Variants in DNAJC1 observed in about 807,000 individuals in gnomAD.
The protein encoded by DNAJC1 is DnaJ heat shock protein family (Hsp40) member C1.
A neutral mutation model predicts 76.6 loss-of-function variants in DNAJC1; 58 were observed. The observed-to-expected ratio is 0.76, with a 90% confidence interval of 0.61 to 0.94. DNAJC1 has a LOEUF of 0.94. DNAJC1 is among the 40% of genes least tolerant of loss of function. The probability of loss-of-function intolerance (pLI) is 0.00; values close to 1 mark genes in which losing one functional copy is unlikely to be tolerated. For missense variants in DNAJC1, 689 were observed against 677.3 expected, an observed-to-expected ratio of 1.02 and a Z score of -0.19; for synonymous variants, 258 against 267.9, an observed-to-expected ratio of 0.96 and a Z score of 0.36.
At chr10:21,810,842 T>C (rs1465836310) in intron 8 of DNAJC1, among the ~76,000 whole-genome samples, 1 of 152,162 alleles carries the variant, frequency 6.6e-6, no homozygotes, top group East Asian at 1.9e-4. Flanking sequence ...ATACCCAATA[T>C]AACTGAAATT....
intron 1 of DNAJC1, among the ~76,000 whole-genome samples, chr10:21,999,699 C>T (rs1010961011): frequency 3.9e-5 from 6 of 151,976 alleles, no homozygotes; most frequent in South Asian, 2.1e-4. Context: ...GTGATCCACC[C>T]GCCTCAGCCT....
intron 1 of DNAJC1, among the ~76,000 whole-genome samples, chr10:21,936,880 T>C (rs934115919): frequency 6.6e-6 from 1 of 152,116 alleles, no homozygotes; most frequent in African/African-American, 2.4e-5. Flanking sequence ...AAAGATGACA[T>C]ATAATATACA....
At chr10:21,906,030 C>T (rs1327110176) in intron 6 of DNAJC1, among the ~76,000 whole-genome samples, 1 of 152,116 alleles carries the variant, frequency 6.6e-6, no homozygotes, top group Non-Finnish European at 1.5e-5. Flanking sequence ...CAAATTAAAG[C>T]TTTTTCCTGG....
At chr10:21,960,836 C>T (rs961797442) in intron 1 of DNAJC1, among the ~76,000 whole-genome samples, 16 of 152,142 alleles carry the variant, frequency 1.1e-4, no homozygotes, top group African/African-American at 3.6e-4. Context: ...GCAAAGGCAC[C>T]GTGGCACATG....
Position 21,822,416 on chromosome 10 carries a change from G to A in DNAJC1, c.979-16317C>T, listed in dbSNP as rs186583105. 2.0e-5 allele frequency among the ~76,000 whole-genome samples: 3 copies of A among 151,096 alleles called. No individual in the cohort carries two copies. In the East Asian group the frequency reaches 5.9e-4, roughly 29 times the overall value. ...ATCGCGCCACTGCACTCCTGCCTGG[G>A]TGACACAGCGAGACTCCGACTCAAA... On this transcript the variant is annotated intron_variant, in intron 8 of 11. Coordinates refer to ENST00000376980, the MANE Select transcript of DNAJC1 (RefSeq NM_022365.4).
At chr10:21,895,491 AG>A (rs1452848623) in intron 7 of DNAJC1, among the ~76,000 whole-genome samples, 1 of 152,210 alleles carries the variant, frequency 6.6e-6, no homozygotes, top group Non-Finnish European at 1.5e-5. Context: ...TAAATTGTTC[AG>A]GGTGCTTCAT....
intron 9 of DNAJC1, among the ~76,000 whole-genome samples, chr10:21,794,824 GA>G (rs1834734654): frequency 6.6e-6 from 1 of 151,956 alleles, no homozygotes; most frequent in Non-Finnish European, 1.5e-5. Context: ...TATATTTGAT[GA>G]AAGACTTGAG....
intron 7 of DNAJC1, among the ~76,000 whole-genome samples, chr10:21,898,551 C>CTTT (rs1284887784): frequency 7.3e-6 from 1 of 137,340 alleles, no homozygotes; most frequent in Admixed American, 7.4e-5. Context: ...CTATACTATA[C>CTTT]TTTTTTTTTT....
At position 21,945,183 on chromosome 10, in the gene DNAJC1, G is replaced by C. The variant is rs543215161; in HGVS notation, c.223-16042C>G. Among the ~76,000 whole-genome samples, 5 of 152,334 alleles carry C rather than the reference G, an allele frequency of 3.3e-5. No homozygotes were observed. In the South Asian group the frequency reaches 1.0e-3, roughly 32 times the overall value. On this transcript the variant is annotated intron_variant, in intron 1 of 11. Coordinates refer to ENST00000376980, the MANE Select transcript of DNAJC1 (RefSeq NM_022365.4). ...GCTTTGAAGAATGTCAGCATTGTCA[G>C]TACTGCTGATGTCAGGTAAAATGAA...
chr10:21,976,323 A>G (rs1333223685), intron 1 of DNAJC1, among the ~76,000 whole-genome samples: 1 of 152,218 alleles, frequency 6.6e-6, no homozygotes, highest in Non-Finnish European at 1.5e-5. Flanking sequence ...AAATGTTGGC[A>G]TATGTAAAAG....
At chr10:21,829,409 G>A (rs961389872) in intron 8 of DNAJC1, among the ~76,000 whole-genome samples, 1 of 152,134 alleles carries the variant, frequency 6.6e-6, no homozygotes, top group African/African-American at 2.4e-5. Flanking sequence ...GTAGAGATGG[G>A]GTTTCACTGT....
chr10:21,873,386 G>A (rs1483513588), intron 8 of DNAJC1, among the ~76,000 whole-genome samples: 2 of 152,088 alleles, frequency 1.3e-5, no homozygotes, highest in African/African-American at 4.8e-5. Context: ...AGTAACTCAT[G>A]ATTTTGAGAA....
At chr10:21,950,599 G>A (rs538143861) in intron 1 of DNAJC1, among the ~76,000 whole-genome samples, 12 of 152,304 alleles carry the variant, frequency 7.9e-5, no homozygotes, top group Non-Finnish European at 1.6e-4. Context: ...TAAGTTTAGT[G>A]AGGAAGGCAT....
intron 1 of DNAJC1, among the ~76,000 whole-genome samples, chr10:21,942,577 C>T (rs532365701): frequency 9.8e-4 from 149 of 152,014 alleles, no homozygotes; most frequent in Admixed American, 5.2e-3. Flanking sequence ...GAGGCCAAGG[C>T]GGGCAGATCA....
intron 8 of DNAJC1, among the ~76,000 whole-genome samples, chr10:21,859,860 T>G (rs1334803404): frequency 6.6e-6 from 1 of 152,084 alleles, no homozygotes; most frequent in Non-Finnish European, 1.5e-5. Flanking sequence ...CTCAGCTCAC[T>G]GCAACTTCCA....
intron 7 of DNAJC1, among the ~76,000 whole-genome samples, chr10:21,886,229 A>G (rs552058921): frequency 6.6e-6 from 1 of 152,306 alleles, no homozygotes; most frequent in South Asian, 2.1e-4. Context: ...TAGAAAACCT[A>G]GAAGAGATGG....
intron 8 of DNAJC1, among the ~76,000 whole-genome samples, chr10:21,869,215 C>CAAAAAAAA (rs552376355): frequency 1.1e-5 from 1 of 94,454 alleles, no homozygotes; most frequent in Non-Finnish European, 2.2e-5. Context: ...GACCATATCT[C>CAAAAAAAA]AAAAAAAAAA....
intron 6 of DNAJC1, among the ~76,000 whole-genome samples, chr10:21,917,417 G>A (rs1353194848): frequency 1.3e-5 from 2 of 151,946 alleles, no homozygotes; most frequent in South Asian, 2.1e-4. Context: ...GATATCTTAT[G>A]TAATATTCTA....
At chr10:21,803,605 GTGTGTGTGTGTGTGTGTGTATGTA>G (rs1409344361) in intron 9 of DNAJC1, among the ~76,000 whole-genome samples, 24 of 151,010 alleles carry the variant, frequency 1.6e-4, no homozygotes, top group Non-Finnish European at 3.1e-4. Context: ...GTGTGTGTGT[GTGTGTGTGTGTGTGTGTGTATGTA>G]TGTGTGTGTG....
Sources: allele counts gnomAD v4.1 joint callset (sites outside exome capture counted in the v4.1 genomes callset), GRCh38; gene constraint gnomAD v4.1.1; transcripts MANE v1.5; gene names NCBI Gene and HGNC (gene_info 2026-07-23, HGNC 2026-07-21).